Variants in PCDH15 observed in about 807,000 individuals in gnomAD.
PCDH15 encodes protocadherin-15.
Under a neutral mutation model 178.5 loss-of-function variants are expected in PCDH15, and 129 were observed. The observed-to-expected ratio is 0.72, with a 90% CI of 0.63 to 0.84. PCDH15 has a LOEUF of 0.84. Ranked by LOEUF, PCDH15 falls within the 40% of genes least tolerant of loss-of-function variation. The pLI, the probability that PCDH15 is intolerant of heterozygous loss-of-function variation, is 0.00. For synonymous variants in PCDH15, 800 were observed against 732.0 expected (o/e 1.09, Z -1.50); for missense variants, 2,230 against 2,099.9 (o/e 1.06, Z -1.21).
At chr10:54,881,276 T>C (rs1954258340) in intron 3 of PCDH15, among the ~76,000 whole-genome samples, 2 of 152,052 alleles carry the variant, frequency 1.3e-5, no homozygotes, top group Admixed American at 1.3e-4. Flanking sequence ...CAGGCAGACC[T>C]ATTCTCCCCT....
chr10:54,763,233 C>T (rs1361688736), intron 1 of PCDH15, among the ~76,000 whole-genome samples: 1 of 152,174 alleles, frequency 6.6e-6, no homozygotes, highest in African/African-American at 2.4e-5. Flanking sequence ...CCCAGCAAAC[C>T]TTTACAATAT....
intron 14 of PCDH15, among the ~76,000 whole-genome samples, chr10:54,134,824 A>G (rs2042762671): frequency 6.6e-6 from 1 of 151,894 alleles, no homozygotes; most frequent in Non-Finnish European, 1.5e-5. Flanking sequence ...TTGTCACTTT[A>G]TAATATACCT....
chr10:55,485,833 G>A (rs1393772334), intron 2 of PCDH15, among the ~76,000 whole-genome samples: 1 of 151,712 alleles, frequency 6.6e-6, no homozygotes, highest in East Asian at 1.9e-4. Context: ...AGAGATACTT[G>A]CATTCCAATG....
At position 54,896,176 on chromosome 10, in the gene PCDH15, C is replaced by T. The variant is rs746175477; in HGVS notation, c.-29+1274G>A. 4.5e-4 allele frequency among the ~76,000 whole-genome samples: 69 copies of T among 152,218 alleles called. 1 individual carries two copies. The highest frequency in any genetic ancestry group is 8.8e-4 in the Non-Finnish European group (60 of 68,002). ...CTGGGATTGCAAGGGTTAGCCACCA[C>T]GCCCAGGAGTACTTTTAAAGAAACA... On this transcript the variant is annotated intron_variant, in intron 3 of 5. Transcript: ENST00000458638.
chr10:53,924,984 A>T (rs958532858), intron 25 of PCDH15, among the ~76,000 whole-genome samples: 2 of 152,100 alleles, frequency 1.3e-5, no homozygotes, highest in Non-Finnish European at 2.9e-5. Flanking sequence ...GTCAAAACAG[A>T]CCAATCAGCT....
At chr10:55,398,368 C>G (rs1349646220) in intron 2 of PCDH15, among the ~76,000 whole-genome samples, 2 of 152,070 alleles carry the variant, frequency 1.3e-5, no homozygotes, top group Non-Finnish European at 2.9e-5. Flanking sequence ...GTTAGGCCAA[C>G]AAAGAAGCAC....
chr10:53,958,514 T>C (rs905857309), intron 23 of PCDH15, among the ~76,000 whole-genome samples: 2 of 152,174 alleles, frequency 1.3e-5, no homozygotes, highest in Non-Finnish European at 1.5e-5. Flanking sequence ...ATATTTTTCA[T>C]ATAGTTATTT....
At chr10:55,205,270 T>C (rs1227345853) in intron 1 of PCDH15, among the ~76,000 whole-genome samples, 2 of 152,028 alleles carry the variant, frequency 1.3e-5, no homozygotes, top group African/African-American at 2.4e-5. Context: ...TATGATAATA[T>C]AAACCTAAAG....
chr10:55,538,538 TTTCC>T (rs1358473457), intron 2 of PCDH15, among the ~76,000 whole-genome samples: 8 of 87,160 alleles, frequency 9.2e-5, no homozygotes, highest in African/African-American at 1.3e-4. Flanking sequence ...TCCTTCCTCC[TTTCC>T]TTCCTTCCTT....
intron 16 of PCDH15, among the ~76,000 whole-genome samples, chr10:54,088,775 A>G (rs1043603552): frequency 6.6e-6 from 1 of 152,116 alleles, no homozygotes; most frequent in Admixed American, 6.6e-5. Flanking sequence ...TCCCAGCTTC[A>G]TTTGTTGAAA....
At position 54,307,982 on chromosome 10, in the gene PCDH15, A is replaced by G. The variant is rs4397746; in HGVS notation, c.876+9289T>C. The stretch of plus-strand genomic sequence containing the variant: ...GCTGGTAACTAGTTAAGCATGCTTC[A>G]TAAATCTTCTTTTATAGTAGTCATG... On this transcript the variant is annotated intron_variant, in intron 8 of 37. Coordinates refer to ENST00000644397, the MANE Select transcript of PCDH15 (RefSeq NM_001384140.1). 9.2e-3 allele frequency among the ~76,000 whole-genome samples: 1,396 copies of G among 152,174 alleles called. 31 individuals are homozygous for G. Among genetic ancestry groups the G allele is most frequent in the African/African-American group, 0.032 (1,325 of 41,538 alleles).
chr10:54,576,941 C>T (rs1470102933), intron 2 of PCDH15, among the ~76,000 whole-genome samples: 1 of 20,422 alleles, frequency 4.9e-5, no homozygotes, highest in Non-Finnish European at 1.6e-4. Flanking sequence ...TTAAAGACCA[C>T]CAAGTTATTT....
At chr10:54,859,952 A>G (rs1355575646) in intron 3 of PCDH15, among the ~76,000 whole-genome samples, 2 of 151,962 alleles carry the variant, frequency 1.3e-5, no homozygotes, top group Non-Finnish European at 2.9e-5. Context: ...ATCTATTCCC[A>G]TTAATGAATG....
intron 2 of PCDH15, among the ~76,000 whole-genome samples, chr10:55,109,743 C>G (rs1331775386): frequency 6.6e-6 from 1 of 151,784 alleles, no homozygotes; most frequent in African/African-American, 2.4e-5. Flanking sequence ...TTGATTCATT[C>G]AGTAATAAAG....
intron 3 of PCDH15, among the ~76,000 whole-genome samples, chr10:54,446,680 T>C (rs1358828605): frequency 6.6e-6 from 1 of 151,608 alleles, no homozygotes; most frequent in Non-Finnish European, 1.5e-5. Context: ...TGTATGCATA[T>C]TTAATATATG....
intron 2 of PCDH15, among the ~76,000 whole-genome samples, chr10:55,036,614 T>C (rs1840742592): frequency 6.6e-6 from 1 of 152,154 alleles, no homozygotes; most frequent in South Asian, 2.1e-4. Flanking sequence ...TCAAGTTCTG[T>C]ACTCTGAAAG....
At chr10:53,907,746 T>A (rs2082778715) in intron 25 of PCDH15, among the ~76,000 whole-genome samples, 1 of 152,170 alleles carries the variant, frequency 6.6e-6, no homozygotes, top group Non-Finnish European at 1.5e-5. Flanking sequence ...AATACTTTTA[T>A]GTAGTCAAGC....
chr10:54,115,327 AAAGT>A (rs2095094739), intron 15 of PCDH15, among the ~76,000 whole-genome samples: 2 of 152,196 alleles, frequency 1.3e-5, no homozygotes, highest in Non-Finnish European at 2.9e-5. Flanking sequence ...AAGATAATGG[AAAGT>A]AAGTGTCAAG....
chr10:54,191,751 C>CAAAAAAAAAA (rs10564694), intron 11 of PCDH15, among the ~76,000 whole-genome samples: 1 of 130,378 alleles, frequency 7.7e-6, no homozygotes, highest in Non-Finnish European at 1.7e-5. Flanking sequence ...ACAAAAAATG[C>CAAAAAAAAAA]AAAAAAAAAA....
Sources: gnomAD v4.1 joint callset for allele counts (sites outside exome capture counted in the v4.1 genomes callset) on GRCh38, gnomAD v4.1.1 for gene constraint, MANE v1.5 for transcripts, NCBI Gene and HGNC (gene_info 2026-07-23, HGNC 2026-07-21) for gene names.